PDE4B: variants seen among roughly 807,000 people sequenced by gnomAD.
PDE4B encodes 3',5'-cyclic-AMP phosphodiesterase 4B.
PDE4B carries 20 observed loss-of-function variants against 82.2 expected under a neutral mutation model. The observed-to-expected ratio is 0.24, with a 90% CI of 0.17 to 0.35. The LOEUF is 0.35. PDE4B is among the 10% of genes least tolerant of loss of function. PDE4B has a pLI of 1.00. For missense variants in PDE4B, 655 were observed against 907.2 expected (o/e 0.72, Z 3.57); for synonymous variants, 320 against 318.9 (o/e 1.00, Z -0.04).
chr1:65,844,591 CA>C (rs1233994046), intron 1 of PDE4B, among the ~76,000 whole-genome samples: 3 of 152,078 alleles, frequency 2.0e-5, no homozygotes, highest in Non-Finnish European at 4.4e-5. Context: ...AAAATAAAAA[CA>C]AATTTGAGTT....
At chr1:66,150,473 A>G (rs954324337) in intron 3 of PDE4B, among the ~76,000 whole-genome samples, 8 of 152,224 alleles carry the variant, frequency 5.3e-5, no homozygotes, top group African/African-American at 1.9e-4. Flanking sequence ...AGATTATGAC[A>G]TCTCCAAATA....
chr1:66,261,971 G>A (rs1345895941), intron 6 of PDE4B, among the ~76,000 whole-genome samples: 1 of 152,186 alleles, frequency 6.6e-6, no homozygotes, highest in African/African-American at 2.4e-5. Context: ...GGAGCTGGGA[G>A]CAAATAGGTG....
chr1:66,352,571 A>G (rs964645499), intron 8 of PDE4B, among the ~76,000 whole-genome samples: 14 of 152,206 alleles, frequency 9.2e-5, no homozygotes, highest in African/African-American at 3.4e-4. Context: ...TCTTCTGAGC[A>G]GAGTTGCCGA....
At chr1:66,054,140 T>G (rs982347852) in intron 3 of PDE4B, among the ~76,000 whole-genome samples, 3 of 152,212 alleles carry the variant, frequency 2.0e-5, no homozygotes, top group African/African-American at 7.2e-5. Context: ...TGTGCTTTTA[T>G]ATTTCCATCA....
At chr1:66,224,834 C>T (rs1651303276) in intron 3 of PDE4B, among the ~76,000 whole-genome samples, 1 of 152,216 alleles carries the variant, frequency 6.6e-6, no homozygotes, top group Non-Finnish European at 1.5e-5. Flanking sequence ...AAATTCTGGT[C>T]AAGTCACTCT....
intron 3 of PDE4B, among the ~76,000 whole-genome samples, chr1:66,246,974 T>C (rs539077689): frequency 6.6e-6 from 1 of 152,322 alleles, no homozygotes; most frequent in South Asian, 2.1e-4. Flanking sequence ...GAAATACGTG[T>C]ATTGTATATT....
chr1:66,174,978 A>T (rs2101361626), intron 3 of PDE4B, among the ~76,000 whole-genome samples: 1 of 152,230 alleles, frequency 6.6e-6, no homozygotes, highest in Middle Eastern at 3.4e-3. Context: ...TCACGCTTAA[A>T]CCATCAAATC....
intron 1 of PDE4B, among the ~76,000 whole-genome samples, chr1:65,870,757 A>T (rs116679698): frequency 6.6e-6 from 1 of 152,164 alleles, no homozygotes; most frequent in Admixed American, 6.5e-5. Context: ...TATTATTACT[A>T]TATGGGTGTG....
At chr1:66,277,418 CAG>C (rs1326283302) in intron 7 of PDE4B, among the ~76,000 whole-genome samples, 1 of 152,010 alleles carries the variant, frequency 6.6e-6, no homozygotes, top group South Asian at 2.1e-4. Context: ...GTTTTTGAGA[CAG>C]AGTCTTGCTC....
chr1:66,142,762 G>C (rs1362391298), intron 3 of PDE4B, among the ~76,000 whole-genome samples: 1 of 152,036 alleles, frequency 6.6e-6, no homozygotes, highest in Admixed American at 6.6e-5. Flanking sequence ...TTGTAATGTC[G>C]GTGCTTTGAT....
At chr1:66,245,468 A>G (rs1653234836) in intron 3 of PDE4B, among the ~76,000 whole-genome samples, 2 of 152,226 alleles carry the variant, frequency 1.3e-5, no homozygotes, top group Admixed American at 6.5e-5. Context: ...GTGGCACACA[A>G]AAAAGCCCTT....
chr1:66,304,265 C>G (rs1206517930), intron 7 of PDE4B, among the ~76,000 whole-genome samples: 2 of 152,088 alleles, frequency 1.3e-5, no homozygotes, highest in East Asian at 3.9e-4. Context: ...TCAGCAAAAG[C>G]AGTCATAGGC....
chr1:66,312,907 C>T (rs1267263357), intron 7 of PDE4B, among the ~76,000 whole-genome samples: 1 of 152,224 alleles, frequency 6.6e-6, no homozygotes, highest in Non-Finnish European at 1.5e-5. Context: ...AAGTTTACCT[C>T]TGCTCTGTAG....
intron 3 of PDE4B, among the ~76,000 whole-genome samples, chr1:66,241,825 G>T (rs2101659614): frequency 6.6e-6 from 1 of 152,304 alleles, no homozygotes; most frequent in South Asian, 2.1e-4. Context: ...AAGGGAGAAT[G>T]CGGAAAGAAG....
chr1:66,090,003 T>C (rs1490060201), intron 3 of PDE4B, among the ~76,000 whole-genome samples: 2 of 152,054 alleles, frequency 1.3e-5, no homozygotes, highest in Non-Finnish European at 1.5e-5. Flanking sequence ...CCTTGATCTA[T>C]GTAGATGACA....
chr1:65,824,347 A>C (rs1362051554), intron 1 of PDE4B, among the ~76,000 whole-genome samples: 1 of 152,122 alleles, frequency 6.6e-6, no homozygotes, highest in African/African-American at 2.4e-5. Flanking sequence ...AAGACCATAG[A>C]TACATTAAAA....
intron 3 of PDE4B, among the ~76,000 whole-genome samples, chr1:66,099,010 A>G (rs943636074): frequency 6.6e-6 from 1 of 152,038 alleles, no homozygotes; most frequent in Non-Finnish European, 1.5e-5. Context: ...AATCTTGAAA[A>G]TTTTTTTAAA....
At chr1:66,151,236 A>G (rs1261653670) in intron 3 of PDE4B, among the ~76,000 whole-genome samples, 2 of 152,286 alleles carry the variant, frequency 1.3e-5, no homozygotes, top group Non-Finnish European at 2.9e-5. Flanking sequence ...ATGTAATAGA[A>G]CTTTTTTAAG....
At chr1:65,808,553 G>A (rs1444955894) in intron 1 of PDE4B, among the ~76,000 whole-genome samples, 1 of 152,228 alleles carries the variant, frequency 6.6e-6, no homozygotes, top group Non-Finnish European at 1.5e-5. Flanking sequence ...CATAGGTGAG[G>A]AATGGGAGGA....
Sources: gnomAD v4.1 joint callset for allele counts (sites outside exome capture counted in the v4.1 genomes callset) on GRCh38, gnomAD v4.1.1 for gene constraint, MANE v1.5 for transcripts, NCBI Gene and HGNC (gene_info 2026-07-23, HGNC 2026-07-21) for gene names.